Variants in HYLS1 observed in about 807,000 individuals in gnomAD.
HYLS1 encodes centriolar and ciliogenesis-associated protein HYLS1.
Under a neutral mutation model 29.4 loss-of-function variants are expected in HYLS1, and 25 were observed. The ratio of observed to expected loss-of-function variants is 0.85; its 90% CI spans 0.62 to 1.19. The LOEUF (loss-of-function observed/expected upper bound fraction) is 1.19. Ranked by LOEUF, HYLS1 falls within the 50% of genes most tolerant of loss-of-function variation. The pLI, the probability that HYLS1 is intolerant of heterozygous loss-of-function variation, is 0.00. For missense variants in HYLS1, 352 were observed against 365.1 expected (o/e 0.96, Z 0.29); for synonymous variants, 128 against 126.7 (o/e 1.01, Z -0.07).
At chr11:125,895,753 C>T in intron 2 of HYLS1, 2 of 1,607,654 alleles carry the variant, frequency 1.2e-6, no homozygotes, top group Non-Finnish European at 1.7e-6. Flanking sequence ...GAATCCCTGC[C>T]CCTTGGAAAC....
intron 2 of HYLS1, among the ~76,000 whole-genome samples, chr11:125,897,786 A>G (rs918024384): frequency 6.6e-6 from 1 of 152,216 alleles, no homozygotes; most frequent in African/African-American, 2.4e-5. Context: ...GGAGGTAAAC[A>G]TTTTGGCAAC....
At chr11:125,894,903 A>G (rs1944527367) in intron 2 of HYLS1, among the ~76,000 whole-genome samples, 1 of 152,200 alleles carries the variant, frequency 6.6e-6, no homozygotes, top group African/African-American at 2.4e-5. Context: ...CTCTTTACTC[A>G]TGGGATAGAA....
At chr11:125,890,210 G>T (rs1944385791) in intron 1 of HYLS1, among the ~76,000 whole-genome samples, 1 of 151,932 alleles carries the variant, frequency 6.6e-6, no homozygotes, top group African/African-American at 2.4e-5. Flanking sequence ...CCTCCAAAGT[G>T]CTGGAATTAC....
chr11:125,885,486 TGGGGGATCCATAAG>T (rs1944290719), upstream of HYLS1, among the ~76,000 whole-genome samples: 1 of 151,352 alleles, frequency 6.6e-6, no homozygotes, highest in Admixed American at 6.6e-5. Flanking sequence ...AGAAACGAAC[TGGGGGATCCATAAG>T]GAGAATGCTG....
At chr11:125,899,158 G>A (rs1163054225) in intron 2 of HYLS1, 186 bp from the exon 3 acceptor site, 1 of 565,836 alleles carries the variant, frequency 1.8e-6, no homozygotes. Flanking sequence ...AATGAAAGCA[G>A]GTAATAGATT....
Position 125,899,633 on chromosome 11 carries a change from C to G in HYLS1, c.265C>G (p.Leu89Val). Residue 89 changes from leucine (L) to valine (V), a missense_variant, in exon 3 of 3, where the codon CTC (leucine) becomes GTC (valine). Leu to Val is a conservative substitution (Grantham distance 32). Coordinates refer to ENST00000425380, the MANE Select transcript of HYLS1 (RefSeq NM_001134793.2). The stretch of plus-strand genomic sequence containing the variant: ...AACAGTCTCTGAGGCCTCCCAAAGA[C>G]TCCGAAAGCCAGTGATGAAGAGAAA... ...SETVSEASQR[L>V]RKPVMKRKVL... 1 of 1,614,176 alleles carries G rather than the reference C, an allele frequency of 6.2e-7. No individual in the cohort carries two copies. The highest frequency in any genetic ancestry group is 1.1e-5 in the South Asian group (1 of 91,078).
chr11:125,894,211 A>G (rs1281647965), intron 2 of HYLS1: 9 of 1,613,752 alleles, frequency 5.6e-6, no homozygotes, highest in Non-Finnish European at 7.6e-6. Context: ...TGAACTCCTG[A>G]GCCTCCTGGT....
chr11:125,885,722 AG>A, upstream of HYLS1, among the ~76,000 whole-genome samples: 1 of 152,384 alleles, frequency 6.6e-6, no homozygotes, highest in African/African-American at 2.4e-5. Context: ...GCCGCAAGGC[AG>A]GGGGTAAGCC....
Position 125,899,540 on chromosome 11 carries a change from C to G in HYLS1, c.172C>G (p.Pro58Ala). 1 of 1,614,124 alleles carries G rather than the reference C, an allele frequency of 6.2e-7. No homozygotes were observed. Residue 58 changes from proline to alanine, a missense_variant, in exon 3 of 3, where the codon CCA becomes GCA. Physicochemically the swap from Pro to Ala is conservative, Grantham distance 27 (BLOSUM62 -1). Transcript: ENST00000425380. The part of the protein sequence containing the change: ...YDPYSKASVA[P>A]GKRPALPVQL... ...TCCCTACAGTAAAGCTTCAGTAGCC[C>G]CAGGGAAGCGACCTGCTCTTCCTGT...
intron 2 of HYLS1, chr11:125,893,874 A>C (rs1944487284): frequency 1.9e-6 from 3 of 1,614,002 alleles, no homozygotes; most frequent in Non-Finnish European, 2.5e-6. Flanking sequence ...GTGTCATTAC[A>C]GTCCCTTTTG....
intron 2 of HYLS1, chr11:125,899,024 A>G (rs1944676341): frequency 4.4e-6 from 1 of 227,782 alleles, no homozygotes; most frequent in Non-Finnish European, 8.7e-6. Context: ...TACCTGTTAC[A>G]TAATGTGCAT....
chr11:125,894,492 A>C (rs1345437785), intron 2 of HYLS1, among the ~76,000 whole-genome samples: 2 of 152,172 alleles, frequency 1.3e-5, no homozygotes, highest in Non-Finnish European at 2.9e-5. Flanking sequence ...TCATAGATCA[A>C]CCTGATCTAT....
At position 125,900,589 on chromosome 11, in the gene HYLS1, G is replaced by A. The variant is rs995300867; in HGVS notation, c.*321G>A. On this transcript the variant is annotated 3_prime_UTR_variant, in exon 3 of 3. Transcript: ENST00000425380. ...TCAATATGAGTTGCTGTGCTTCAGT[G>A]TGTGTTTTTTAAGTTGCTGGGCATT... 1.1e-4 allele frequency: 38 copies of A among 342,862 alleles called. No homozygotes were observed. Among genetic ancestry groups the A allele is most frequent in the African/African-American group, 7.8e-4 (36 of 46,144 alleles). 21.2% of individuals were successfully genotyped at this position (342,862 alleles called of 1,614,324 possible).
intron 2 of HYLS1, among the ~76,000 whole-genome samples, chr11:125,897,241 A>G (rs1252303748): frequency 1.3e-5 from 2 of 152,194 alleles, no homozygotes; most frequent in Non-Finnish European, 2.9e-5. Flanking sequence ...TTCTGTATCT[A>G]TAATAGATTA....
chr11:125,894,875 C>G (rs935220003), intron 2 of HYLS1, among the ~76,000 whole-genome samples: 5 of 152,090 alleles, frequency 3.3e-5, no homozygotes, highest in African/African-American at 1.2e-4. Context: ...ACTTAAGGAG[C>G]CTGGTCAAAA....
At chr11:125,884,531 C>T (rs1335825675), upstream of HYLS1, among the ~76,000 whole-genome samples, 1 of 152,218 alleles carries the variant, frequency 6.6e-6, no homozygotes, top group African/African-American at 2.4e-5. Context: ...ATAGCATGAA[C>T]CCGGGAGGTG....
rs370082947 is a variant in HYLS1 at position 125,895,651 on chromosome 11, G to A, written c.-25-3693G>A. On this transcript the variant is annotated intron_variant, in intron 2 of 2. Coordinates refer to ENST00000425380, the MANE Select transcript of HYLS1 (RefSeq NM_001134793.2). The stretch of plus-strand genomic sequence containing the variant: ...TCTACAGGGGCCCAGGCCAATATAC[G>A]GATGTCTGGAGGGAGTACCCGATTG... 33 of 1,614,092 alleles carry A rather than the reference G, an allele frequency of 2.0e-5. No homozygotes were observed. Among genetic ancestry groups the A allele is most frequent in the Non-Finnish European group, 2.4e-5 (28 of 1,180,040 alleles).
rs2134261769 is a variant in HYLS1, at chr11:125,900,551, C to T, written c.*283C>T. On this transcript the variant is annotated 3_prime_UTR_variant, in exon 3 of 3. Coordinates refer to ENST00000425380, the MANE Select transcript of HYLS1 (RefSeq NM_001134793.2). ...AGTAAGGGCCCTTTGTGTCCTGTAACTTTTTTTACCTATCAATATGAGTTG... is the reference window on the plus strand; with the variant it reads ...AGTAAGGGCCCTTTGTGTCCTGTAATTTTTTTTACCTATCAATATGAGTTG... The T allele has an allele frequency of 4.8e-6, 2 of 414,396 alleles. No individual in the cohort carries two copies. The highest frequency in any genetic ancestry group is 2.4e-5 in the South Asian group (1 of 41,744). The allele number at this position is 414,396 out of a possible 1,614,324, so 25.7% of individuals were successfully genotyped here. A position where few individuals can be genotyped will look rare whatever the true frequency, so the allele number is the denominator to read the frequency against.
chr11:125,900,330 T>G lies in HYLS1; in HGVS notation c.*62T>G. The stretch of plus-strand genomic sequence containing the variant: ...AACCTAGCTCTTTATATCTTCCCTT[T>G]TAAATAGAAACAACTGTCTTGAGAA... On this transcript the variant is annotated 3_prime_UTR_variant, in exon 3 of 3. Coordinates refer to ENST00000425380, the MANE Select transcript of HYLS1 (RefSeq NM_001134793.2). The G allele has an allele frequency of 2.7e-6, 4 of 1,502,098 alleles. No individual in the cohort carries two copies. The South Asian group carries it at 4.6e-5, about 17-fold the overall frequency. 93.0% of individuals were successfully genotyped at this position (1,502,098 alleles called of 1,614,324 possible).
Sources: gnomAD v4.1 joint callset for allele counts (sites outside exome capture counted in the v4.1 genomes callset) on GRCh38, gnomAD v4.1.1 for gene constraint, MANE v1.5 for transcripts, NCBI Gene and HGNC (gene_info 2026-07-23, HGNC 2026-07-21) for gene names.